Variants in CD86 observed in about 807,000 individuals in gnomAD.
The protein encoded by CD86 is CD86 molecule.
Under a neutral mutation model 32.1 loss-of-function variants are expected in CD86, and 11 were observed. The observed-to-expected ratio is 0.34, with a 90% confidence interval of 0.22 to 0.57. The LOEUF is 0.57. CD86 is among the 20% of genes least tolerant of loss of function. The probability of loss-of-function intolerance (pLI) is 0.86; values close to 1 mark genes in which losing one functional copy is unlikely to be tolerated. For synonymous variants in CD86, 137 were observed against 135.3 expected, an observed-to-expected ratio of 1.01 and a Z score of -0.09; for missense variants, 359 against 398.4, an observed-to-expected ratio of 0.90 and a Z score of 0.84.
intron 2 of CD86, among the ~76,000 whole-genome samples, chr3:122,102,410 T>TA (rs2073024868): frequency 7.4e-6 from 1 of 135,026 alleles, no homozygotes; most frequent in Non-Finnish European, 1.6e-5. Context: ...TGCTTACTTT[T>TA]TTTTTTTTTT....
chr3:122,094,489 C>A (rs886656597), intron 2 of CD86, among the ~76,000 whole-genome samples: 2 of 152,122 alleles, frequency 1.3e-5, no homozygotes, highest in African/African-American at 4.8e-5. Context: ...AATAACATTG[C>A]CAGTAATTCA....
At chr3:122,109,470 C>T (rs2073140719) in intron 5 of CD86, 62 bp downstream of exon 5, 3 of 1,588,038 alleles carry the variant, frequency 1.9e-6, no homozygotes, top group South Asian at 2.2e-5. Flanking sequence ...AATCGGCTGG[C>T]TGCCTTCCGG....
In CD86 at chr3:122,119,723, C is replaced by G. The variant is rs1164969734; in HGVS notation, c.*189C>G. ...CTCTGCTCCGTATGCCAAGAGGAGA[C>G]TTTAATTCTCTTACTGCTTCTTTTC... On this transcript the variant is annotated 3_prime_UTR_variant, in exon 7 of 7. Transcript: ENST00000330540. 9.2e-6 allele frequency: 5 copies of G among 540,718 alleles called. No individual in the cohort carries two copies. Among genetic ancestry groups the G allele is most frequent in the Non-Finnish European group, 1.6e-5 (5 of 306,884 alleles). 33.5% of individuals were successfully genotyped at this position (540,718 alleles called of 1,614,324 possible).
intron 3 of CD86, 136 bp from the exon 4 acceptor site, chr3:122,106,062 G>A (rs1176419928): frequency 4.9e-6 from 3 of 616,456 alleles, no homozygotes; most frequent in Admixed American, 3.2e-5. Flanking sequence ...CTTGGGCTGA[G>A]GGTCACATTT....
chr3:122,075,802 A>T (rs918730756), intron 1 of CD86, among the ~76,000 whole-genome samples: 1 of 152,188 alleles, frequency 6.6e-6, no homozygotes, highest in Admixed American at 6.5e-5. Flanking sequence ...AGGCTGCTCT[A>T]AATAGGAACT....
In CD86 at chr3:122,118,032, T is replaced by C; in HGVS notation, c.848-16T>C. 6 of 1,611,382 alleles carry C rather than the reference T, an allele frequency of 3.7e-6. No individual in the cohort carries two copies. Among genetic ancestry groups the C allele is most frequent in the Non-Finnish European group, 4.2e-6 (5 of 1,177,728 alleles). On this transcript the variant is annotated splice_polypyrimidine_tract_variant and intron_variant, in intron 5 of 6. Transcript: ENST00000330540. ...GGAGGAATACATTTTTGAAGATTGT[T>C]CTTGGTGTCTTTCAGGAACCAACAC...
At chr3:122,095,314 C>G (rs963046866) in intron 2 of CD86, among the ~76,000 whole-genome samples, 7 of 151,734 alleles carry the variant, frequency 4.6e-5, no homozygotes, top group Non-Finnish European at 7.4e-5. Flanking sequence ...TGGGATTACA[C>G]CTACCACCAC....
chr3:122,108,977 C>T (rs368600725), intron 4 of CD86, among the ~76,000 whole-genome samples: 54 of 152,268 alleles, frequency 3.5e-4, no homozygotes, highest in African/African-American at 1.1e-3. Flanking sequence ...TCCAGAATCA[C>T]GGGCCAGGCT....
intron 1 of CD86, among the ~76,000 whole-genome samples, chr3:122,090,243 C>A (rs1160325943): frequency 6.6e-6 from 1 of 152,136 alleles, no homozygotes; most frequent in African/African-American, 2.4e-5. Flanking sequence ...ATAACAGACA[C>A]TTCTAGCCCA....
At chr3:122,087,825 G>C (rs879502392) in intron 1 of CD86, among the ~76,000 whole-genome samples, 7 of 152,096 alleles carry the variant, frequency 4.6e-5, no homozygotes, top group Non-Finnish European at 2.9e-5. Flanking sequence ...GACAAAACTA[G>C]TATTGACGGA....
chr3:122,066,218 T>G (rs1251133689), intron 1 of CD86, among the ~76,000 whole-genome samples: 1 of 152,194 alleles, frequency 6.6e-6, no homozygotes, highest in Non-Finnish European at 1.5e-5. Flanking sequence ...TTTGGACAGG[T>G]TATTACCTTC....
chr3:122,101,507 AAAAAAAATATATAT>A (rs200502024), intron 2 of CD86, among the ~76,000 whole-genome samples: 27,309 of 79,702 alleles, frequency 0.34, 3,273 homozygotes, highest in East Asian at 0.42. Flanking sequence ...AAAAAAAAAA[AAAAAAAATATATAT>A]ATATATATAT....
intron 1 of CD86, among the ~76,000 whole-genome samples, chr3:122,060,236 G>A (rs2072313403): frequency 6.6e-6 from 1 of 152,154 alleles, no homozygotes; most frequent in Admixed American, 6.5e-5. Flanking sequence ...CTGCAGAAAG[G>A]CGAAGTAGGA....
intron 2 of CD86, among the ~76,000 whole-genome samples, chr3:122,096,267 C>T (rs1034697457): frequency 6.6e-6 from 1 of 152,016 alleles, no homozygotes. Flanking sequence ...GCTTTAGAGA[C>T]GGGGTCTCGC....
intron 3 of CD86, among the ~76,000 whole-genome samples, chr3:122,104,548 C>A (rs1374655214): frequency 2.6e-5 from 4 of 152,136 alleles, no homozygotes; most frequent in Non-Finnish European, 4.4e-5. Context: ...ATTTAGGTAA[C>A]CGCCACAGGA....
rs146841089 is a variant in CD86 at position 122,082,861 on chromosome 3, A to G, written c.15-8740A>G. ...AAGTTTGATTTCTGTTGCTTTTATT[A>G]GTAGTTTTACTAAATACATAAAAGT... On this transcript the variant is annotated intron_variant, in intron 1 of 6. Transcript: ENST00000330540. Among the ~76,000 whole-genome samples the G allele has an allele frequency of 2.6e-5, 4 of 152,360 alleles. No homozygotes were observed. The East Asian group carries it at 5.8e-4, about 22-fold the overall frequency.
chr3:122,109,670 A>G (rs1043111015), intron 5 of CD86, among the ~76,000 whole-genome samples: 1 of 152,160 alleles, frequency 6.6e-6, no homozygotes, highest in African/African-American at 2.4e-5. Flanking sequence ...ACTGATTATT[A>G]CTTGCTTTAT....
At chr3:122,056,492 G>A (rs770623923) in intron 1 of CD86, among the ~76,000 whole-genome samples, 6 of 151,986 alleles carry the variant, frequency 3.9e-5, no homozygotes, top group Non-Finnish European at 8.8e-5. Flanking sequence ...CCACCACCAC[G>A]CCCGGCTAAT....
At chr3:122,103,869 T>TCAA in intron 3 of CD86, 22 bp downstream of exon 3, 1 of 1,577,500 alleles carries the variant, frequency 6.3e-7, no homozygotes, top group East Asian at 2.2e-5. Context: ...ATGGTGTGTG[T>TCAA]TCAGATTCTT....
Sources: allele counts gnomAD v4.1 joint callset (sites outside exome capture counted in the v4.1 genomes callset), GRCh38; gene constraint gnomAD v4.1.1; transcripts MANE v1.5; gene names NCBI Gene and HGNC (gene_info 2026-07-23, HGNC 2026-07-21).